PAPPA: variants seen among roughly 807,000 people sequenced by gnomAD.
PAPPA encodes pappalysin 1.
A neutral mutation model predicts 164.0 loss-of-function variants in PAPPA; 60 were observed. The ratio of observed to expected loss-of-function variants is 0.37; its 90% confidence interval spans 0.30 to 0.45. The LOEUF (loss-of-function observed/expected upper bound fraction) is 0.45. PAPPA is among the 20% of genes least tolerant of loss of function. The pLI is 1.00. For synonymous variants in PAPPA, 875 were observed against 814.1 expected, an observed-to-expected ratio of 1.07 and a Z score of -1.27; for missense variants, 1,782 against 2,087.3, an observed-to-expected ratio of 0.85 and a Z score of 2.85.
Position 116,174,022 on chromosome 9 carries a change from A to G in PAPPA, c.416-13132A>G, listed in dbSNP as rs535110719. 1.1e-4 allele frequency among the ~76,000 whole-genome samples: 16 copies of G among 152,262 alleles called. No individual in the cohort carries two copies. The South Asian group carries it at 3.3e-3, about 32-fold the overall frequency. On this transcript the variant is annotated intron_variant, in intron 1 of 21. Transcript: ENST00000328252. ...ACCCCATCTTTGTCACTTGGCCAACAGGTTACTCAGGCTTAGGTGAGTTAT... is the reference window on the plus strand; with the variant it reads ...ACCCCATCTTTGTCACTTGGCCAACGGGTTACTCAGGCTTAGGTGAGTTAT...
intron 2 of PAPPA, among the ~76,000 whole-genome samples, chr9:116,198,002 G>A (rs1844127705): frequency 6.6e-6 from 1 of 152,196 alleles, no homozygotes; most frequent in South Asian, 2.1e-4. Context: ...AACATTGACT[G>A]CTGCAGCTCA....
Position 116,257,183 on chromosome 9 carries a change from G to A in PAPPA, c.2733-8674G>A, listed in dbSNP as rs114168216. 7.5e-3 allele frequency among the ~76,000 whole-genome samples: 1,146 copies of A among 151,796 alleles called. 19 individuals carry two copies. Among genetic ancestry groups the A allele is most frequent in the African/African-American group, 0.027 (1,104 of 41,462 alleles). On this transcript the variant is annotated intron_variant, in intron 7 of 21. Transcript: ENST00000328252. ...TAAAGAGGTGACTTTAATATTAGGT[G>A]GTCTATTAATGTAATTCACAATATT...
chr9:116,202,576 A>G (rs1422642211), intron 2 of PAPPA, among the ~76,000 whole-genome samples: 1 of 152,148 alleles, frequency 6.6e-6, no homozygotes, highest in Non-Finnish European at 1.5e-5. Flanking sequence ...GTGTAGGAAG[A>G]CAAGAGACAC....
chr9:116,352,911 A>G lies in PAPPA; in HGVS notation c.4170A>G (p.Ser1390=). 1 of 1,613,530 alleles carries G rather than the reference A, an allele frequency of 6.2e-7. No individual in the cohort carries two copies. The highest frequency in any genetic ancestry group is 8.5e-7 in the Non-Finnish European group (1 of 1,179,534). Residue 1390 remains serine, a synonymous_variant, in exon 16 of 22, where the codon TCA becomes TCG. Transcript: ENST00000328252. ...GYHVPGSSRK[S]KKRAFKTQCT... is the part of the protein sequence containing the mutation. ...ATGTGCCTGGATCCTCTCGGAAGTC[A>G]AAGAAGTAAGTGGGGTTGGAAATGC...
intron 13 of PAPPA, among the ~76,000 whole-genome samples, chr9:116,343,401 A>G (rs1246348474): frequency 6.6e-6 from 1 of 152,214 alleles, no homozygotes; most frequent in African/African-American, 2.4e-5. Flanking sequence ...AAAGAAGGGT[A>G]GAATACCCAT....
chr9:116,289,793 A>G (rs558631924), intron 9 of PAPPA, among the ~76,000 whole-genome samples: 2 of 152,242 alleles, frequency 1.3e-5, no homozygotes, highest in Non-Finnish European at 2.9e-5. Context: ...AGGAGTTGCC[A>G]TTCTGTTTTA....
At chr9:116,340,100 AC>A (rs1326165359) in intron 13 of PAPPA, among the ~76,000 whole-genome samples, 9 of 152,114 alleles carry the variant, frequency 5.9e-5, no homozygotes, top group African/African-American at 2.2e-4. Flanking sequence ...CCAATCAGCC[AC>A]CTTTCTCCCT....
At chr9:116,370,245 T>G (rs911158894) in intron 19 of PAPPA, among the ~76,000 whole-genome samples, 2 of 152,240 alleles carry the variant, frequency 1.3e-5, no homozygotes, top group African/African-American at 4.8e-5. Context: ...CTTCCTATCC[T>G]TTATTTCCAC....
intron 16 of PAPPA, among the ~76,000 whole-genome samples, chr9:116,353,192 G>A (rs773511575): frequency 5.9e-5 from 9 of 152,122 alleles, no homozygotes; most frequent in Non-Finnish European, 1.2e-4. Context: ...AGCCACAAGA[G>A]GGGTATGATA....
intron 1 of PAPPA, among the ~76,000 whole-genome samples, chr9:116,167,572 G>C (rs187758259): frequency 2.9e-3 from 437 of 152,232 alleles, no homozygotes; most frequent in Admixed American, 0.011. Flanking sequence ...GCTCAATGGA[G>C]CCTCCTTGTC....
chr9:116,323,892 G>A (rs1475569480), intron 10 of PAPPA, among the ~76,000 whole-genome samples: 2 of 152,202 alleles, frequency 1.3e-5, no homozygotes, highest in African/African-American at 2.4e-5. Context: ...AATAGGAAGA[G>A]TGAAGGTCAG....
intron 6 of PAPPA, among the ~76,000 whole-genome samples, chr9:116,230,666 C>A (rs1170705775): frequency 1.3e-5 from 2 of 152,196 alleles, no homozygotes; most frequent in Non-Finnish European, 2.9e-5. Flanking sequence ...TACTGCATTT[C>A]ATTAGCTTCA....
intron 9 of PAPPA, among the ~76,000 whole-genome samples, chr9:116,280,076 G>A (rs1416692846): frequency 6.6e-6 from 1 of 152,118 alleles, no homozygotes; most frequent in East Asian, 1.9e-4. Context: ...GAAAAAATCG[G>A]CTGCTTGCCC....
chr9:116,291,327 T>G (rs1261334825), intron 9 of PAPPA, among the ~76,000 whole-genome samples: 1 of 152,176 alleles, frequency 6.6e-6, no homozygotes, highest in Non-Finnish European at 1.5e-5. Flanking sequence ...TGGTGAGGCA[T>G]GATGTCTCAT....
Position 116,265,982 on chromosome 9 carries a change from A to G in PAPPA, c.2858A>G (p.Gln953Arg). The G allele has an allele frequency of 1.2e-6, 2 of 1,600,414 alleles. No individual in the cohort carries two copies. The highest frequency in any genetic ancestry group is 1.1e-5 in the South Asian group (1 of 90,314). Residue 953 changes from glutamine to arginine, a missense_variant, in exon 8 of 22, where the codon CAA becomes CGA. By Grantham distance (43) the Gln-to-Arg change is conservative. Coordinates refer to ENST00000328252, the MANE Select transcript of PAPPA (RefSeq NM_002581.5). ...GSGYCGDGIIQKDQGEQCDDM... is the reference protein window; with the variant it reads ...GSGYCGDGIIRKDQGEQCDDM... ...GGGTACTGTGGCGATGGCATTATACAAAAGTAAGTAGATCTAATTAAAGAA... is the reference window on the plus strand; with the variant it reads ...GGGTACTGTGGCGATGGCATTATACGAAAGTAAGTAGATCTAATTAAAGAA...
chr9:116,154,609 G>A lies in PAPPA; in HGVS notation c.415+22G>A. On this transcript the variant is annotated intron_variant, in intron 1 of 21. Coordinates refer to ENST00000328252, the MANE Select transcript of PAPPA (RefSeq NM_002581.5). The surrounding 1 kb of genome is among the most constrained non-coding windows in gnomAD (Gnocchi z 5.2). Reference sequence around the variant, plus strand: ...ACAGGTAGGTGAGGGCGCCTCGGCGGGCGCTGCACCGTCCCTGCGGCCCCA... The same window carrying A: ...ACAGGTAGGTGAGGGCGCCTCGGCGAGCGCTGCACCGTCCCTGCGGCCCCA... 1 of 1,307,314 alleles carries A rather than the reference G, an allele frequency of 7.6e-7. No individual in the cohort carries two copies. Among genetic ancestry groups the A allele is most frequent in the Non-Finnish European group, 9.7e-7 (1 of 1,027,338 alleles). 81.0% of individuals were successfully genotyped at this position (1,307,314 alleles called of 1,614,324 possible).
At chr9:116,174,209 C>T (rs1250035931) in intron 1 of PAPPA, among the ~76,000 whole-genome samples, 4 of 152,190 alleles carry the variant, frequency 2.6e-5, no homozygotes, top group Non-Finnish European at 4.4e-5. Flanking sequence ...TGTCATTGCC[C>T]TCCCTGCCTA....
chr9:116,245,420 T>C (rs941973635), intron 7 of PAPPA, among the ~76,000 whole-genome samples: 2 of 152,202 alleles, frequency 1.3e-5, no homozygotes, highest in African/African-American at 2.4e-5. Context: ...TTTACAATAC[T>C]GCCCTGGTAT....
At chr9:116,302,226 C>G (rs571928459) in intron 9 of PAPPA, among the ~76,000 whole-genome samples, 1 of 152,250 alleles carries the variant, frequency 6.6e-6, no homozygotes, top group South Asian at 2.1e-4. Context: ...CTTTTTATTA[C>G]AGTATAGACA....
Sources: gnomAD v4.1 joint callset for allele counts (sites outside exome capture counted in the v4.1 genomes callset) on GRCh38, gnomAD v4.1.1 for gene constraint, Gnocchi (gnomAD v3.1) non-coding constraint, MANE v1.5 for transcripts, NCBI Gene and HGNC (gene_info 2026-07-23, HGNC 2026-07-21) for gene names.